The following PKP4 variants were observed in gnomAD, a reference collection of about 807,000 sequenced individuals.
PKP4 encodes plakophilin-4.
A neutral mutation model predicts 145.1 loss-of-function variants in PKP4; 90 were observed. The observed-to-expected ratio is 0.62, with a 90% CI of 0.52 to 0.74. PKP4 has a LOEUF of 0.74. PKP4 is among the 30% of genes least tolerant of loss of function. The pLI is 0.00. For synonymous variants in PKP4, 563 were observed against 577.2 expected, an observed-to-expected ratio of 0.98 and a Z score of 0.35; for missense variants, 1,340 against 1,482.7, an observed-to-expected ratio of 0.90 and a Z score of 1.58.
chr2:158,678,126 G>GTTGT (rs1346911820), intron 20 of PKP4, among the ~76,000 whole-genome samples: 73 of 152,228 alleles, frequency 4.8e-4, no homozygotes, highest in South Asian at 2.9e-3. Flanking sequence ...TTGAATCCCA[G>GTTGT]TTGTTTGTTT....
At chr2:158,496,790 G>GTGTGTGTGTGTGTCTGTGTC (rs146738816) in intron 1 of PKP4, among the ~76,000 whole-genome samples, 54 of 149,948 alleles carry the variant, frequency 3.6e-4, no homozygotes, top group Non-Finnish European at 6.1e-4. Context: ...GTGTGTGTGT[G>GTGTGTGTGTGTGTCTGTGTC]TGTGTCTGTG....
At chr2:158,661,482 G>A in intron 13 of PKP4, 32 bp downstream of exon 13, 2 of 1,402,050 alleles carry the variant, frequency 1.4e-6, no homozygotes, top group Non-Finnish European at 2.0e-6. Context: ...GGAGGGCGTG[G>A]TGGCAGGTGA....
chr2:158,625,665 T>C (rs2052704686), intron 7 of PKP4, among the ~76,000 whole-genome samples: 2 of 152,224 alleles, frequency 1.3e-5, no homozygotes, highest in African/African-American at 2.4e-5. Flanking sequence ...TGTAATATTT[T>C]CCCACTAAAT....
At chr2:158,611,549 A>C (rs2051149844) in intron 4 of PKP4, among the ~76,000 whole-genome samples, 1 of 152,228 alleles carries the variant, frequency 6.6e-6, no homozygotes, top group Non-Finnish European at 1.5e-5. Context: ...ATCTGGTGCA[A>C]GTAATTTACA....
chr2:158,512,221 C>T (rs2041580928), intron 1 of PKP4, among the ~76,000 whole-genome samples: 1 of 152,110 alleles, frequency 6.6e-6, no homozygotes, highest in Non-Finnish European at 1.5e-5. Context: ...TATCTTGGTT[C>T]TTGGATTTGA....
intron 4 of PKP4, among the ~76,000 whole-genome samples, chr2:158,606,574 A>G (rs1558876105): frequency 6.6e-6 from 1 of 152,224 alleles, no homozygotes; most frequent in Non-Finnish European, 1.5e-5. Context: ...AAAAAGTACA[A>G]AAAGTGGATA....
chr2:158,579,845 ATATATATATATAGC>A (rs1017240501), intron 3 of PKP4, among the ~76,000 whole-genome samples: 11 of 151,702 alleles, frequency 7.3e-5, no homozygotes, highest in African/African-American at 2.7e-4. Flanking sequence ...GCAATTTAAA[ATATATATATATAGC>A]TATATATATA....
At chr2:158,662,739 A>G in intron 13 of PKP4, 158 bp from the exon 14 acceptor site, 2 of 589,996 alleles carry the variant, frequency 3.4e-6, no homozygotes, top group Non-Finnish European at 5.7e-6. Flanking sequence ...CAAACACTCT[A>G]GAATCATAAT....
chr2:158,553,943 C>CTG (rs1411321762), intron 2 of PKP4, among the ~76,000 whole-genome samples: 1 of 152,120 alleles, frequency 6.6e-6, no homozygotes, highest in Non-Finnish European at 1.5e-5. Flanking sequence ...CTAGTTGATG[C>CTG]TGTAATGGTT....
intron 3 of PKP4, among the ~76,000 whole-genome samples, chr2:158,583,399 C>T (rs4664980): frequency 0.71 from 107,945 of 151,954 alleles, 39,629 homozygotes; most frequent in Non-Finnish European, 0.8. Context: ...ATTCTTACTC[C>T]GTATTTTATT....
At chr2:158,554,657 C>T (rs1447814262) in intron 2 of PKP4, among the ~76,000 whole-genome samples, 2 of 152,096 alleles carry the variant, frequency 1.3e-5, no homozygotes, top group Non-Finnish European at 2.9e-5. Context: ...GATCTCCTGA[C>T]CTCGTGATCC....
At chr2:158,643,726 AAAG>A (rs1465941250) in intron 11 of PKP4, among the ~76,000 whole-genome samples, 85 of 111,486 alleles carry the variant, frequency 7.6e-4, no homozygotes, top group African/African-American at 2.3e-3. Context: ...AAAAAAAAAA[AAAG>A]AAAAGAAAAC....
At chr2:158,494,999 A>G (rs1033590649) in intron 1 of PKP4, among the ~76,000 whole-genome samples, 21 of 151,910 alleles carry the variant, frequency 1.4e-4, no homozygotes, top group Non-Finnish European at 4.4e-5. Context: ...CAGGCGGATC[A>G]TGAGGTCAGG....
intron 1 of PKP4, among the ~76,000 whole-genome samples, chr2:158,509,713 T>G (rs1442280632): frequency 1.3e-5 from 2 of 152,124 alleles, no homozygotes; most frequent in South Asian, 4.1e-4. Context: ...TTTGGGAGGC[T>G]GAGGCGAGTG....
chr2:158,522,143 T>C (rs1235541591), intron 1 of PKP4, among the ~76,000 whole-genome samples: 1 of 152,174 alleles, frequency 6.6e-6, no homozygotes, highest in Non-Finnish European at 1.5e-5. Context: ...TGAAATAAAG[T>C]GTACTTGGTA....
intron 7 of PKP4, among the ~76,000 whole-genome samples, chr2:158,626,964 T>G (rs1301016298): frequency 6.6e-6 from 1 of 152,214 alleles, no homozygotes. Context: ...CTGTTTAACA[T>G]TCTTACATAG....
intron 9 of PKP4, 119 bp downstream of exon 9, chr2:158,634,408 C>T (rs2053642379): frequency 3.1e-6 from 2 of 652,464 alleles, no homozygotes; most frequent in South Asian, 3.8e-5. Flanking sequence ...ATCATTAATT[C>T]CATATATATT....
rs1239983139 is a variant in PKP4, at chr2:158,636,220, CA to C, written c.1562+1934del. On this transcript the variant is annotated intron_variant, in intron 9 of 21. Transcript: ENST00000389759. ...TCTTGTCTTGCATTTCTGCTTGTAACAAATTCTCTCAGCTTTAGTTTATCTG... is the reference window on the plus strand; with the variant it reads ...TCTTGTCTTGCATTTCTGCTTGTAACAATTCTCTCAGCTTTAGTTTATCTG... Among the ~76,000 whole-genome samples, 3 of 152,096 alleles carry C rather than the reference CA, an allele frequency of 2.0e-5. No homozygotes were observed. In the South Asian group the frequency reaches 6.2e-4, roughly 32 times the overall value.
intron 2 of PKP4, among the ~76,000 whole-genome samples, chr2:158,539,890 T>A (rs1276279951): frequency 2.6e-5 from 4 of 152,160 alleles, no homozygotes. Flanking sequence ...TGGTCAGAAT[T>A]TAACATTTCC....
Sources: gnomAD v4.1 joint callset for allele counts (sites outside exome capture counted in the v4.1 genomes callset) on GRCh38, gnomAD v4.1.1 for gene constraint, MANE v1.5 for transcripts, NCBI Gene and HGNC (gene_info 2026-07-23, HGNC 2026-07-21) for gene names.